The following SHISA4 variants were observed in gnomAD, a reference collection of about 807,000 sequenced individuals.
The protein encoded by SHISA4 is shisa family member 4, also known as protein shisa-4.
A neutral mutation model predicts 24.2 loss-of-function variants in SHISA4; 16 were observed. The observed-to-expected ratio is 0.66, with a 90% confidence interval of 0.45 to 1.00. The LOEUF (loss-of-function observed/expected upper bound fraction) is 1.00. SHISA4 is among the 50% of genes least tolerant of loss of function. The pLI is 0.00. For synonymous variants in SHISA4, 106 were observed against 105.4 expected (o/e 1.01, Z -0.04); for missense variants, 238 against 258.9 (o/e 0.92, Z 0.55).
chr1:201,888,743 T>G (rs1055013175), upstream of SHISA4: 7 of 361,150 alleles, frequency 1.9e-5, no homozygotes, highest in Non-Finnish European at 3.0e-5. Context: ...AGCAGGGCAG[T>G]GCTCTGCTGG....
At chr1:201,890,906 T>C (rs773772322) in intron 3 of SHISA4, among the ~76,000 whole-genome samples, 4 of 152,002 alleles carry the variant, frequency 2.6e-5, no homozygotes, top group Middle Eastern at 3.2e-3. Flanking sequence ...GTACACGGGG[T>C]CAGGTCTGTA....
At position 201,889,428 on chromosome 1, in the gene SHISA4, C is replaced by G; in HGVS notation, c.74-17C>G. 6.2e-7 allele frequency: 1 copy of G among 1,610,294 alleles called. No individual in the cohort carries two copies. Among genetic ancestry groups the G allele is most frequent in the Non-Finnish European group, 8.5e-7 (1 of 1,179,810 alleles). ...CTGGCCTGGTGGCCACTGGGCACCC[C>G]CAATCCCTGCCCGCAGTGCTGGCCG... On this transcript the variant is annotated splice_polypyrimidine_tract_variant and intron_variant, in intron 1 of 4. Coordinates refer to ENST00000362011, the MANE Select transcript of SHISA4 (RefSeq NM_198149.3).
At position 201,889,533 on chromosome 1, in the gene SHISA4, C is replaced by G; in HGVS notation, c.162C>G (p.Cys54Trp). The change falls in exon 2 of 5, where the codon TGC becomes TGG. Residue 54 changes from cysteine to tryptophan, a missense_variant. Transcript: ENST00000362011. ...ACTGCGAGTTCTTCACCTTCTGCTGCGGGACCTGCTACCATCGGTACTGCT... is the reference window on the plus strand; with the variant it reads ...ACTGCGAGTTCTTCACCTTCTGCTGGGGGACCTGCTACCATCGGTACTGCT... ...GFNCEFFTFC[C>W]GTCYHRYCCR... is the part of the protein sequence containing the mutation. 6.2e-7 allele frequency: 1 copy of G among 1,614,080 alleles called. No individual in the cohort carries two copies. Among genetic ancestry groups the G allele is most frequent in the Non-Finnish European group, 8.5e-7 (1 of 1,180,022 alleles).
intron 4 of SHISA4, 92 bp from the exon 5 acceptor site, chr1:201,891,708 C>CTGGA: frequency 6.4e-7 from 1 of 1,558,758 alleles, no homozygotes. Context: ...GCCCACTCTT[C>CTGGA]CCTATGGGTC....
intron 1 of SHISA4, 54 bp from the exon 2 acceptor site, chr1:201,889,391 G>C (rs1002797126): frequency 1.4e-4 from 219 of 1,599,544 alleles, no homozygotes; most frequent in Non-Finnish European, 1.7e-4. Context: ...GCCGAGCGCG[G>C]CTGGGGATGA....
chr1:201,891,765 A>G (rs746897922), intron 4 of SHISA4, 35 bp from the exon 5 acceptor site: 38 of 1,612,858 alleles, frequency 2.4e-5, no homozygotes, highest in Non-Finnish European at 3.0e-5. Context: ...CACCTATGCC[A>G]CCACTCACCC....
Position 201,892,148 on chromosome 1 carries a change from T to C in SHISA4, c.*302T>C. ...TCAAATAGTCCCTCTGCTCCCAAGA[T>C]CCCAGCCAGGAAGGCTGGGGCCCTA... On this transcript the variant is annotated 3_prime_UTR_variant, in exon 5 of 5. Transcript: ENST00000362011. 2 of 292,888 alleles carry C rather than the reference T, an allele frequency of 6.8e-6. No homozygotes were observed. Among genetic ancestry groups the C allele is most frequent in the Non-Finnish European group, 1.2e-5 (2 of 161,156 alleles). The allele number at this position is 292,888 out of a possible 1,614,324, so 18.1% of individuals were successfully genotyped here. A position where few individuals can be genotyped will look rare whatever the true frequency, so the allele number is the denominator to read the frequency against.
At chr1:201,891,292 A>G in intron 3 of SHISA4, 109 bp from the exon 4 acceptor site, 1 of 1,337,850 alleles carries the variant, frequency 7.5e-7, no homozygotes, top group Non-Finnish European at 1.1e-6. Context: ...GCCAGCCTGG[A>G]GCTTGCCAGA....
In SHISA4 at chr1:201,889,499, C is replaced by A; in HGVS notation, c.128C>A (p.Pro43Gln). ...CTGGACCGGAATGGCTCCTGGCATC[C>A]GGGGTTTAACTGCGAGTTCTTCACC... Reference protein sequence around the residue: ...WYLDRNGSWHPGFNCEFFTFC... With the variant: ...WYLDRNGSWHQGFNCEFFTFC... Residue 43 changes from proline (P) to glutamine (Q), a missense_variant, in exon 2 of 5, where the codon CCG (proline) becomes CAG (glutamine). Coordinates refer to ENST00000362011, the MANE Select transcript of SHISA4 (RefSeq NM_198149.3). 1 of 1,613,986 alleles carries A rather than the reference C, an allele frequency of 6.2e-7. No individual in the cohort carries two copies. The highest frequency in any genetic ancestry group is 8.5e-7 in the Non-Finnish European group (1 of 1,180,024).
chr1:201,889,616 G>C lies in SHISA4; in HGVS notation c.245G>C (p.Ser82Thr), dbSNP rs765086633. 3.1e-6 allele frequency: 5 copies of C among 1,612,246 alleles called. No individual in the cohort carries two copies. The Admixed American group carries it at 6.7e-5, about 22-fold the overall frequency. ...CAGCAGAAGCACTGCCTGGCCTTCA[G>C]GTGGGTTCCTGCCTCCTCACCCTCA... ...ERQQKHCLAF[S>T]PKTIAGIASA... is the part of the protein sequence containing the mutation. The change falls in exon 2 of 5, where the codon AGC (serine) becomes ACC (threonine). Residue 82 changes from serine (S) to threonine (T), a missense_variant and splice_region_variant. Coordinates refer to ENST00000362011, the MANE Select transcript of SHISA4 (RefSeq NM_198149.3).
chr1:201,890,220 T>C (rs913078485), intron 2 of SHISA4, among the ~76,000 whole-genome samples: 3 of 152,192 alleles, frequency 2.0e-5, no homozygotes, highest in Admixed American at 1.3e-4. Context: ...AAAGCAATGG[T>C]TGGGGGCGCA....
rs912985480 is a variant in SHISA4 at position 201,890,482 on chromosome 1, G to T, written c.274G>T (p.Ala92Ser). The T allele has an allele frequency of 6.2e-7, 1 of 1,614,254 alleles. No individual in the cohort carries two copies. The highest frequency in any genetic ancestry group is 8.5e-7 in the Non-Finnish European group (1 of 1,180,042). The change falls in exon 3 of 5, where the codon GCT becomes TCT. Residue 92 changes from alanine (A) to serine (S), a missense_variant. Physicochemically the swap from Ala to Ser is moderately conservative, Grantham distance 99. Coordinates refer to ENST00000362011, the MANE Select transcript of SHISA4 (RefSeq NM_198149.3). The part of the protein sequence containing the change: ...SPKTIAGIAS[A>S]VILFVAVVAT... ...CAAGACCATAGCAGGCATCGCCTCA[G>T]CTGTGATCCTCTTTGTTGCTGTGGT... is the stretch of plus-strand genomic sequence containing the variant.
At chr1:201,890,669 G>A (rs1480550102) in intron 3 of SHISA4, 82 bp downstream of exon 3, 8 of 1,547,604 alleles carry the variant, frequency 5.2e-6, no homozygotes, top group South Asian at 2.4e-5. Flanking sequence ...CATGGATTGG[G>A]TAAATTCTGT....
intron 2 of SHISA4, 39 bp from the exon 3 acceptor site, chr1:201,890,415 G>A: frequency 6.2e-7 from 1 of 1,610,712 alleles, no homozygotes; most frequent in East Asian, 2.2e-5. Flanking sequence ...TCCGTCCTAT[G>A]AGTGTTGGAA....
intron 1 of SHISA4, 68 bp from the exon 2 acceptor site, chr1:201,889,377 T>TG (rs1161314664): frequency 6.3e-7 from 1 of 1,588,152 alleles, no homozygotes; most frequent in African/African-American, 1.3e-5. Flanking sequence ...GCCGGGGGAG[T>TG]GGGGCCGAGC....
chr1:201,889,688 C>CTTTTCTCCAGA (rs1421528298), intron 2 of SHISA4, 72 bp downstream of exon 2: 3 of 1,545,952 alleles, frequency 1.9e-6, no homozygotes, highest in Non-Finnish European at 2.7e-6. Flanking sequence ...TCCTCCCTCC[C>CTTTTCTCCAGA]GGACTCCTGC....
intron 1 of SHISA4, 157 bp downstream of exon 1, chr1:201,889,224 C>T (rs1284865246): frequency 4.4e-6 from 4 of 916,382 alleles, no homozygotes; most frequent in Non-Finnish European, 6.4e-6. Flanking sequence ...GAAGAGGGAG[C>T]TCCAGGATGC....
Position 201,890,465 on chromosome 1 carries a change from T to C in SHISA4, c.257T>C (p.Ile86Thr). Reference sequence around the variant, plus strand: ...TTCTTTGTCTAAAGCCCCAAGACCATAGCAGGCATCGCCTCAGCTGTGATC... The same window carrying C: ...TTCTTTGTCTAAAGCCCCAAGACCACAGCAGGCATCGCCTCAGCTGTGATC... ...KHCLAFSPKT[I>T]AGIASAVILF... Residue 86 changes from isoleucine (I) to threonine (T), a missense_variant, in exon 3 of 5, where the codon ATA becomes ACA. By Grantham distance (89) the Ile-to-Thr change is moderately conservative (BLOSUM62 -1). Coordinates refer to ENST00000362011, the MANE Select transcript of SHISA4 (RefSeq NM_198149.3). The C allele has an allele frequency of 6.2e-7, 1 of 1,614,200 alleles. No homozygotes were observed. The highest frequency in any genetic ancestry group is 8.5e-7 in the Non-Finnish European group (1 of 1,180,024).
At chr1:201,889,683 C>T in intron 2 of SHISA4, 67 bp downstream of exon 2, 3 of 1,560,420 alleles carry the variant, frequency 1.9e-6, no homozygotes, top group Non-Finnish European at 2.6e-6. Context: ...CCTCTTCCTC[C>T]CTCCCGGACT....
Sources: gnomAD v4.1 joint callset for allele counts (sites outside exome capture counted in the v4.1 genomes callset) on GRCh38, gnomAD v4.1.1 for gene constraint, MANE v1.5 for transcripts, NCBI Gene and HGNC (gene_info 2026-07-23, HGNC 2026-07-21) for gene names.